Variants in DLGAP1 observed in about 807,000 individuals in gnomAD.
The protein encoded by DLGAP1 is DLG associated protein 1, also known as disks large-associated protein 1.
In DLGAP1, 11 loss-of-function variants were observed where a neutral mutation model predicts 90.8. The ratio of observed to expected loss-of-function variants is 0.12; its 90% CI spans 0.08 to 0.20. The LOEUF (loss-of-function observed/expected upper bound fraction) is 0.20, where lower values mean the gene tolerates loss of function less well. DLGAP1 is among the 10% of genes least tolerant of loss of function. DLGAP1 has a pLI of 1.00. For synonymous variants in DLGAP1, 558 were observed against 540.7 expected, an observed-to-expected ratio of 1.03 and a Z score of -0.44; for missense variants, 1,050 against 1,333.8, an observed-to-expected ratio of 0.79 and a Z score of 3.31.
intron 1 of DLGAP1, among the ~76,000 whole-genome samples, chr18:4,450,140 CAA>C (rs2083784975): frequency 6.6e-6 from 1 of 152,274 alleles, no homozygotes; most frequent in Admixed American, 6.5e-5. Context: ...TGGTTGTTTG[CAA>C]AGTCTGAGAC....
intron 1 of DLGAP1, among the ~76,000 whole-genome samples, chr18:4,406,825 T>C (rs1011596062): frequency 6.6e-6 from 1 of 152,168 alleles, no homozygotes. Flanking sequence ...GAGAACTGTA[T>C]AAAATATAAA....
Position 3,502,619 on chromosome 18 carries a change from G to C in DLGAP1, c.2598C>G (p.Thr866=). The C allele has an allele frequency of 6.2e-7, 1 of 1,614,078 alleles. No homozygotes were observed. The highest frequency in any genetic ancestry group is 1.1e-5 in the South Asian group (1 of 91,062). The change falls in exon 12 of 13, where the codon ACC becomes ACG. Residue 866 remains threonine (T), a synonymous_variant. Transcript: ENST00000315677. ...CCCAAAACCCCGCCAAATCCTGGGA[G>C]GTGGGTCTTGGATGAGCATTAGGAT... The part of the protein sequence containing the change: ...NLNPNAHPRP[T]SQDLAGFWDM...
At chr18:4,345,434 C>T (rs1453601826) in intron 1 of DLGAP1, among the ~76,000 whole-genome samples, 1 of 152,152 alleles carries the variant, frequency 6.6e-6, no homozygotes, top group Non-Finnish European at 1.5e-5. Context: ...TGTAAGGGAA[C>T]CCCACAGTTA....
chr18:3,868,300 T>C (rs570565155), intron 4 of DLGAP1, among the ~76,000 whole-genome samples: 3 of 152,294 alleles, frequency 2.0e-5, no homozygotes, highest in South Asian at 2.1e-4. Flanking sequence ...GAGTTACAGA[T>C]AAGCCTTTGA....
Position 4,108,468 on chromosome 18 carries a change from G to T in DLGAP1, c.-159+42712C>A, listed in dbSNP as rs551821747. Among the ~76,000 whole-genome samples the T allele has an allele frequency of 5.3e-5, 8 of 151,770 alleles. No homozygotes were observed. The South Asian group carries it at 1.5e-3, about 28-fold the overall frequency. On this transcript the variant is annotated intron_variant, in intron 2 of 12. Transcript: ENST00000315677. ...TGTTCATCTCTCTTTTGTTATAGGG[G>T]TCTCAGCCATGAACCTGTAATTGGA...
chr18:3,675,604 C>T (rs78426548), intron 7 of DLGAP1, among the ~76,000 whole-genome samples: 20,289 of 152,208 alleles, frequency 0.13, 1,651 homozygotes, highest in Non-Finnish European at 0.18. Context: ...TCCCGCATTC[C>T]TATCACCTTT....
Position 3,804,694 on chromosome 18 carries a change from A to G in DLGAP1, c.1172+9365T>C, listed in dbSNP as rs112324489. Among the ~76,000 whole-genome samples, 197 of 152,352 alleles carry G rather than the reference A, an allele frequency of 1.3e-3. 2 individuals carry two copies. Among genetic ancestry groups the G allele is most frequent in the African/African-American group, 4.6e-3 (191 of 41,588 alleles). On this transcript the variant is annotated intron_variant, in intron 5 of 12. Transcript: ENST00000315677. ...CAGCTCAACTCAACCACTGCGCATT[A>G]AAGTTACTCATGGAGGGTACTGTTC...
At chr18:3,858,386 C>T (rs1404061192) in intron 4 of DLGAP1, among the ~76,000 whole-genome samples, 1 of 151,912 alleles carries the variant, frequency 6.6e-6, no homozygotes, top group Non-Finnish European at 1.5e-5. Context: ...ACTTTGTATT[C>T]CCAGCCTTTA....
chr18:3,641,562 T>TAA (rs2058942096), intron 7 of DLGAP1, among the ~76,000 whole-genome samples: 2 of 112,736 alleles, frequency 1.8e-5, no homozygotes, highest in African/African-American at 3.7e-5. Context: ...AAAAAGAACA[T>TAA]AAGACAATGT....
At chr18:4,366,790 C>G (rs1202185532) in intron 1 of DLGAP1, among the ~76,000 whole-genome samples, 3 of 151,572 alleles carry the variant, frequency 2.0e-5, no homozygotes, top group African/African-American at 7.3e-5. Flanking sequence ...TGTGAAATGA[C>G]ATTAAGAATG....
At chr18:4,059,745 C>T (rs1190035155) in intron 2 of DLGAP1, among the ~76,000 whole-genome samples, 10 of 145,766 alleles carry the variant, frequency 6.9e-5, no homozygotes, top group Non-Finnish European at 1.4e-4. Context: ...AATAAACAGA[C>T]TGGAAGAAAA....
rs55870741 is a variant in DLGAP1 at position 3,515,468 on chromosome 18, C to CAA, written c.2480-6809_2480-6808dup. Among the ~76,000 whole-genome samples, 361 of 72,580 alleles carry CAA rather than the reference C, an allele frequency of 5.0e-3. 17 individuals carry two copies. Among genetic ancestry groups the CAA allele is most frequent in the African/African-American group, 0.016 (288 of 18,064 alleles). 47.6% of individuals were successfully genotyped at this position (72,580 alleles called of 152,430 possible). A position where few individuals can be genotyped will look rare whatever the true frequency, so the allele number is the denominator to read the frequency against. On this transcript the variant is annotated intron_variant, in intron 10 of 12. Transcript: ENST00000315677. ...TGGGCAACAGAGCGAGATTCCATCT[C>CAA]AAAAAAAAAAAAAAAAAATTGGAGT...
In DLGAP1 at chr18:4,287,549, T is replaced by C. The variant is rs1281375714; in HGVS notation, c.-266-136262A>G. 2.0e-5 allele frequency among the ~76,000 whole-genome samples: 3 copies of C among 152,160 alleles called. No individual in the cohort carries two copies. The East Asian group carries it at 5.8e-4, about 29-fold the overall frequency. On this transcript the variant is annotated intron_variant, in intron 1 of 12. Coordinates refer to ENST00000315677, the MANE Select transcript of DLGAP1 (RefSeq NM_004746.4). Reference sequence around the variant, plus strand: ...TGAGTTCATGTCCTTTGCAGGGACGTGGATGAAGCTGGAAACCATCATTCT... The same window carrying C: ...TGAGTTCATGTCCTTTGCAGGGACGCGGATGAAGCTGGAAACCATCATTCT...
intron 5 of DLGAP1, among the ~76,000 whole-genome samples, chr18:3,798,151 T>C (rs1272845880): frequency 1.3e-5 from 2 of 152,230 alleles, no homozygotes; most frequent in Non-Finnish European, 2.9e-5. Context: ...TGAATTCCTG[T>C]AAACACAGGC....
chr18:4,330,826 T>C (rs2080932102), intron 1 of DLGAP1, among the ~76,000 whole-genome samples: 1 of 151,892 alleles, frequency 6.6e-6, no homozygotes, highest in Non-Finnish European at 1.5e-5. Context: ...GTATTTTCTG[T>C]TGATGAGAGA....
At chr18:4,356,496 A>G (rs1222542860) in intron 1 of DLGAP1, among the ~76,000 whole-genome samples, 1 of 152,130 alleles carries the variant, frequency 6.6e-6, no homozygotes, top group Non-Finnish European at 1.5e-5. Flanking sequence ...TTCTAGCAAC[A>G]CAAGTCAAAA....
chr18:3,835,580 T>C (rs1418553459), intron 4 of DLGAP1, among the ~76,000 whole-genome samples: 1 of 143,228 alleles, frequency 7.0e-6, no homozygotes, highest in Non-Finnish European at 1.5e-5. Context: ...ATCTGGGAAG[T>C]GGAAGTTGCG....
chr18:4,196,403 C>T (rs1343430162), intron 1 of DLGAP1, among the ~76,000 whole-genome samples: 1 of 152,194 alleles, frequency 6.6e-6, no homozygotes, highest in Non-Finnish European at 1.5e-5. Context: ...ATGCTGATTG[C>T]CATGTGGGTG....
At chr18:4,087,966 T>C (rs2075711754) in intron 2 of DLGAP1, among the ~76,000 whole-genome samples, 1 of 151,766 alleles carries the variant, frequency 6.6e-6, no homozygotes, top group Non-Finnish European at 1.5e-5. Flanking sequence ...AGCTGTCTTC[T>C]ATTTGTTCTG....
Sources: gnomAD v4.1 joint callset for allele counts (sites outside exome capture counted in the v4.1 genomes callset) on GRCh38, gnomAD v4.1.1 for gene constraint, MANE v1.5 for transcripts, NCBI Gene and HGNC (gene_info 2026-07-23, HGNC 2026-07-21) for gene names.